The following XPNPEP3 variants were observed in gnomAD, a reference collection of about 807,000 sequenced individuals.
The protein encoded by XPNPEP3 is xaa-Pro aminopeptidase 3.
Under a neutral mutation model 60.0 loss-of-function variants are expected in XPNPEP3, and 41 were observed. That is an observed-to-expected ratio of 0.68 (90% confidence interval 0.53 to 0.89). The LOEUF is 0.89. XPNPEP3 is among the 40% of genes least tolerant of loss of function. The pLI is 0.00. For missense variants in XPNPEP3, 598 were observed against 638.9 expected, an observed-to-expected ratio of 0.94 and a Z score of 0.69; for synonymous variants, 212 against 223.2, an observed-to-expected ratio of 0.95 and a Z score of 0.45.
chr22:40,900,434 G>A (rs1362678033), intron 4 of XPNPEP3, among the ~76,000 whole-genome samples: 5 of 151,240 alleles, frequency 3.3e-5, no homozygotes, highest in Non-Finnish European at 5.9e-5. Context: ...GTGAAACCCC[G>A]TCTCTATTAA....
chr22:40,890,821 T>G lies in XPNPEP3; in HGVS notation c.792+4306T>G, dbSNP rs549007404. Among the ~76,000 whole-genome samples, 5 of 151,834 alleles carry G rather than the reference T, an allele frequency of 3.3e-5. No individual in the cohort carries two copies. The South Asian group carries it at 8.3e-4, about 25-fold the overall frequency. On this transcript the variant is annotated intron_variant, in intron 4 of 9. Transcript: ENST00000357137. ...AGGTCGAGGCTGCAGTGAGCTGAGA[T>G]TGCACCACTGCACTCCAGTCTGGGT... is the stretch of plus-strand genomic sequence containing the variant.
At chr22:40,919,207 G>A (rs913727484) in intron 7 of XPNPEP3, among the ~76,000 whole-genome samples, 3 of 152,162 alleles carry the variant, frequency 2.0e-5, no homozygotes, top group South Asian at 4.1e-4. Context: ...GGAGACAGCA[G>A]AAGTTTGCAA....
intron 7 of XPNPEP3, among the ~76,000 whole-genome samples, chr22:40,921,536 T>G (rs1326367921): frequency 1.3e-5 from 2 of 151,326 alleles, no homozygotes; most frequent in Non-Finnish European, 2.9e-5. Flanking sequence ...TTAGTAATAC[T>G]GTGGTGGGCT....
chr22:40,912,852 T>C (rs148753698), intron 6 of XPNPEP3, among the ~76,000 whole-genome samples: 4 of 151,942 alleles, frequency 2.6e-5, no homozygotes, highest in African/African-American at 7.2e-5. Flanking sequence ...CTCTGGGCAA[T>C]AGAGCAAGAC....
rs952445435 is a variant in XPNPEP3, at chr22:40,873,228, C to T, written c.181+4113C>T. Among the ~76,000 whole-genome samples, 5 of 150,916 alleles carry T rather than the reference C, an allele frequency of 3.3e-5. No homozygotes were observed. The East Asian group carries it at 7.9e-4, about 24-fold the overall frequency. On this transcript the variant is annotated intron_variant, in intron 2 of 9. Coordinates refer to ENST00000357137, the MANE Select transcript of XPNPEP3 (RefSeq NM_022098.4). ...CAAGCAATTCTCCTGCCTCAGCCTC[C>T]AGAGTAGCTGGGACTACACGTGTGC... is the stretch of plus-strand genomic sequence containing the variant.
chr22:40,891,545 T>A (rs185989554), intron 4 of XPNPEP3, among the ~76,000 whole-genome samples: 14 of 151,534 alleles, frequency 9.2e-5, no homozygotes, highest in African/African-American at 2.7e-4. Context: ...CCCAGCTACT[T>A]GGGAGGCTGA....
At chr22:40,895,925 G>A (rs2058105948) in intron 4 of XPNPEP3, among the ~76,000 whole-genome samples, 1 of 152,132 alleles carries the variant, frequency 6.6e-6, no homozygotes, top group Non-Finnish European at 1.5e-5. Flanking sequence ...ACACATTTGT[G>A]AAAGGTCTTG....
intron 2 of XPNPEP3, among the ~76,000 whole-genome samples, chr22:40,872,718 T>A (rs1009664680): frequency 6.6e-6 from 1 of 152,166 alleles, no homozygotes; most frequent in Non-Finnish European, 1.5e-5. Flanking sequence ...CCCAAAGTGC[T>A]GGGATTACAG....
At position 40,857,244 on chromosome 22, in the gene XPNPEP3, A is replaced by G. The variant is rs139991468; in HGVS notation, c.63A>G (p.Ser21=). 198 of 1,614,114 alleles carry G rather than the reference A, an allele frequency of 1.2e-4. No homozygotes were observed. The African/African-American group carries it at 2.3e-3, about 19-fold the overall frequency. ...VPAVANVRGL[S]GCMLCSQRRY... is the part of the protein sequence containing the mutation. ...CTGTAGCAAACGTCCGCGGCCTCTCAGGTTAGACTCTTCTCCCACGGTCTC... is the reference window on the plus strand; with the variant it reads ...CTGTAGCAAACGTCCGCGGCCTCTCGGGTTAGACTCTTCTCCCACGGTCTC... The change falls in exon 1 of 10, where the codon TCA becomes TCG. Residue 21 remains serine, a splice_region_variant and synonymous_variant. Transcript: ENST00000357137.
In XPNPEP3 at chr22:40,924,388, T is replaced by C. The variant is rs778050266; in HGVS notation, c.1263T>C (p.His421=). 5 of 1,614,202 alleles carry C rather than the reference T, an allele frequency of 3.1e-6. No homozygotes were observed. Among genetic ancestry groups the C allele is most frequent in the East Asian group, 2.2e-5 (1 of 44,892 alleles). The change falls in exon 9 of 10, where the codon CAT becomes CAC. Residue 421 remains histidine, a synonymous_variant. Coordinates refer to ENST00000357137, the MANE Select transcript of XPNPEP3 (RefSeq NM_022098.4). ...FKAARKYCPH[H]VGHYLGMDVH... ...CTGCTCGAAAATACTGTCCTCATCA[T>C]GTTGGCCACTACCTCGGGATGGATG...
At position 40,857,926 on chromosome 22, in the gene XPNPEP3, C is replaced by T. The variant is rs189999968; in HGVS notation, c.64+681C>T. 6.0e-4 allele frequency among the ~76,000 whole-genome samples: 91 copies of T among 152,272 alleles called. 1 individual carries two copies. The highest frequency in any genetic ancestry group is 2.1e-3 in the African/African-American group (89 of 41,544). ...ATGGTATTTGACATCAAAGCTATGTCTTGGCATATGTTTATGTTGATATAC... is the reference window on the plus strand; with the variant it reads ...ATGGTATTTGACATCAAAGCTATGTTTTGGCATATGTTTATGTTGATATAC... On this transcript the variant is annotated intron_variant, in intron 1 of 9. Coordinates refer to ENST00000357137, the MANE Select transcript of XPNPEP3 (RefSeq NM_022098.4).
chr22:40,867,489 G>T (rs1200740661), intron 1 of XPNPEP3, among the ~76,000 whole-genome samples: 11 of 152,012 alleles, frequency 7.2e-5, no homozygotes, highest in Non-Finnish European at 5.9e-5. Flanking sequence ...AAAAATCATA[G>T]CTTCTTCTAA....
chr22:40,878,907 A>T (rs1214196255), intron 2 of XPNPEP3, among the ~76,000 whole-genome samples: 2 of 152,134 alleles, frequency 1.3e-5, no homozygotes, highest in African/African-American at 4.8e-5. Flanking sequence ...ATTTCTTTTT[A>T]TTTTATGGAC....
intron 2 of XPNPEP3, among the ~76,000 whole-genome samples, chr22:40,872,089 A>G (rs764374843): frequency 1.3e-5 from 2 of 152,064 alleles, no homozygotes; most frequent in Non-Finnish European, 2.9e-5. Flanking sequence ...CTTGGGAGCT[A>G]TTTTTCCTAG....
intron 3 of XPNPEP3, among the ~76,000 whole-genome samples, chr22:40,885,446 A>G (rs1220384748): frequency 6.6e-6 from 1 of 152,214 alleles, no homozygotes; most frequent in Non-Finnish European, 1.5e-5. Context: ...TTACAAAGAG[A>G]ATGTATAGCA....
intron 4 of XPNPEP3, among the ~76,000 whole-genome samples, chr22:40,890,087 G>A (rs2058083133): frequency 6.6e-6 from 1 of 152,048 alleles, no homozygotes; most frequent in South Asian, 2.1e-4. Context: ...CATCCCAACA[G>A]GACTTTAATT....
At chr22:40,919,765 A>T (rs1601520877) in intron 7 of XPNPEP3, among the ~76,000 whole-genome samples, 1 of 152,186 alleles carries the variant, frequency 6.6e-6, no homozygotes, top group East Asian at 1.9e-4. Flanking sequence ...AACAACCAAA[A>T]TGTCCATCAA....
rs771709808 is a variant in XPNPEP3, at chr22:40,869,014, C to T, written c.80C>T (p.Ser27Leu). 3 of 1,613,796 alleles carry T rather than the reference C, an allele frequency of 1.9e-6. No homozygotes were observed. The South Asian group carries it at 3.3e-5, about 18-fold the overall frequency. ...VRGLSGCMLCSQRRYSLQPVP... is the reference protein window; with the variant it reads ...VRGLSGCMLCLQRRYSLQPVP... ...CTTCATTCAGGATGTATGTTGTGTT[C>T]ACAGCGAAGGTACTCCCTTCAGCCT... Residue 27 changes from serine (S) to leucine (L), a missense_variant, in exon 2 of 10, where the codon TCA becomes TTA. Ser to Leu is a moderately radical substitution (Grantham distance 145). Coordinates refer to ENST00000357137, the MANE Select transcript of XPNPEP3 (RefSeq NM_022098.4).
At chr22:40,858,496 G>T in intron 1 of XPNPEP3, among the ~76,000 whole-genome samples, 1 of 146,970 alleles carries the variant, frequency 6.8e-6, no homozygotes, top group East Asian at 2.1e-4. Context: ...ACTAAGCGTT[G>T]CAATCGTTTA....
Sources: allele counts gnomAD v4.1 joint callset (sites outside exome capture counted in the v4.1 genomes callset), GRCh38; gene constraint gnomAD v4.1.1; transcripts MANE v1.5; gene names NCBI Gene and HGNC (gene_info 2026-07-23, HGNC 2026-07-21).